Variants in CHFR observed in about 807,000 individuals in gnomAD.
CHFR encodes E3 ubiquitin-protein ligase CHFR.
A neutral mutation model predicts 87.6 loss-of-function variants in CHFR; 57 were observed. The observed-to-expected ratio is 0.65, with a 90% CI of 0.53 to 0.81. CHFR has a LOEUF of 0.81. Among genes scored for constraint, CHFR ranks in the 30% least tolerant of loss-of-function variants. The pLI is 0.00. For synonymous variants in CHFR, 381 were observed against 359.2 expected, an observed-to-expected ratio of 1.06 and a Z score of -0.69; for missense variants, 797 against 865.8, an observed-to-expected ratio of 0.92 and a Z score of 1.00.
chr12:132,873,470 G>GT (rs1566199650), intron 3 of CHFR, among the ~76,000 whole-genome samples: 1 of 152,198 alleles, frequency 6.6e-6, no homozygotes, highest in African/African-American at 2.4e-5. Flanking sequence ...TTATACACGG[G>GT]TTTTTTTCAA....
chr12:132,859,505 C>G (rs889974045), intron 7 of CHFR, among the ~76,000 whole-genome samples: 7 of 152,094 alleles, frequency 4.6e-5, no homozygotes, highest in Non-Finnish European at 5.9e-5. Flanking sequence ...TGCCCACCAC[C>G]ACGCCCGGCT....
At position 132,843,810 on chromosome 12, in the gene CHFR, G is replaced by A. The variant is rs1010224370; in HGVS notation, c.1843+217C>T. Among the ~76,000 whole-genome samples the A allele has an allele frequency of 5.3e-5, 8 of 152,128 alleles. No homozygotes were observed. In the East Asian group the frequency reaches 7.8e-4, roughly 15 times the overall value. On this transcript the variant is annotated intron_variant, in intron 16 of 17. Transcript: ENST00000450056. ...CTAAAACACAAAAAATTAGCCGGGC[G>A]TGGTGGCGGGTGCCTGTAATCCCAG...
At chr12:132,875,043 C>T (rs978077939) in intron 3 of CHFR, among the ~76,000 whole-genome samples, 11 of 152,064 alleles carry the variant, frequency 7.2e-5, no homozygotes, top group African/African-American at 2.7e-4. Context: ...CAGGAAAGCC[C>T]AGGACCAGCA....
chr12:132,865,788 T>G (rs1051840715), intron 6 of CHFR: 1 of 150,884 alleles, frequency 6.6e-6, no homozygotes, highest in South Asian at 2.1e-4. Flanking sequence ...GCCTTCCAAG[T>G]AGCTGGGATT....
At chr12:132,847,846 AT>A in intron 14 of CHFR, 1 of 1,366,224 alleles carries the variant, frequency 7.3e-7, no homozygotes, top group Non-Finnish European at 9.5e-7. Context: ...GCTCCTACGA[AT>A]TGGTGGCAGG....
At chr12:132,853,332 ACAGGAGGCGGG>A in intron 11 of CHFR, 88 bp downstream of exon 11, 2 of 1,281,048 alleles carry the variant, frequency 1.6e-6, no homozygotes, top group Non-Finnish European at 2.0e-6. Context: ...AGCAGTGCAG[ACAGGAGGCGGG>A]CAGAGCGCGG....
chr12:132,846,943 G>T lies in CHFR; in HGVS notation c.1735+100C>A, dbSNP rs1950843442. 5.0e-6 allele frequency: 4 copies of T among 806,834 alleles called. No individual in the cohort carries two copies. In the South Asian group the frequency reaches 5.7e-5, roughly 12 times the overall value. 50.0% of individuals were successfully genotyped at this position (806,834 alleles called of 1,614,324 possible). A position where few individuals can be genotyped will look rare whatever the true frequency, so the allele number is the denominator to read the frequency against. On this transcript the variant is annotated intron_variant, in intron 15 of 17. Transcript: ENST00000450056. ...TCAGGATCTTTTTCCTCTCTTCCAGGGTGGGTGAAGGTCGGAGTTGTCACT... is the reference window on the plus strand; with the variant it reads ...TCAGGATCTTTTTCCTCTCTTCCAGTGTGGGTGAAGGTCGGAGTTGTCACT...
chr12:132,871,413 T>C (rs779606885), intron 4 of CHFR, among the ~76,000 whole-genome samples: 26 of 151,370 alleles, frequency 1.7e-4, no homozygotes, highest in South Asian at 1.0e-3. Context: ...GATCACGCCA[T>C]TGCACTCCAG....
chr12:132,843,177 C>T (rs995734579), intron 16 of CHFR, 94 bp from the exon 17 acceptor site: 14 of 1,104,870 alleles, frequency 1.3e-5, no homozygotes, highest in African/African-American at 7.7e-5. Flanking sequence ...ACAGACGCTG[C>T]GGTGGAAACG....
At chr12:132,863,722 G>A (rs531565509) in intron 6 of CHFR, among the ~76,000 whole-genome samples, 16 of 152,134 alleles carry the variant, frequency 1.1e-4, no homozygotes, top group Admixed American at 7.9e-4. Flanking sequence ...CATAACGACA[G>A]GAATGACCTT....
At chr12:132,877,719 T>C in intron 2 of CHFR, 65 bp from the exon 3 acceptor site, 1 of 969,226 alleles carries the variant, frequency 1.0e-6, no homozygotes, top group South Asian at 1.6e-5. Context: ...TACTGCACTT[T>C]GTTTACCAAA....
At chr12:132,859,667 T>G (rs1951171507) in intron 7 of CHFR, among the ~76,000 whole-genome samples, 1 of 152,190 alleles carries the variant, frequency 6.6e-6, no homozygotes. Context: ...GGTGTTTTTA[T>G]TTTTCTATAA....
At chr12:132,861,919 C>T (rs890822119) in intron 6 of CHFR, 6 of 398,724 alleles carry the variant, frequency 1.5e-5, no homozygotes, top group South Asian at 6.4e-5. Context: ...CCGAGTCTAA[C>T]GCAGGGCAAA....
At chr12:132,874,014 CT>C (rs1951558006) in intron 3 of CHFR, among the ~76,000 whole-genome samples, 1 of 152,184 alleles carries the variant, frequency 6.6e-6, no homozygotes, top group Non-Finnish European at 1.5e-5. Context: ...CTGAGCACCC[CT>C]CCCCTCCAGC....
At chr12:132,869,897 GAA>G (rs1202771386) in intron 5 of CHFR, 99 bp from the exon 6 acceptor site, 2 of 1,379,394 alleles carry the variant, frequency 1.4e-6, no homozygotes, top group African/African-American at 2.9e-5. Flanking sequence ...TCTAGGGATT[GAA>G]ATGCTCTTAA....
chr12:132,861,723 G>T, intron 6 of CHFR, 89 bp from the exon 7 acceptor site: 4 of 1,232,908 alleles, frequency 3.2e-6, no homozygotes, highest in South Asian at 2.7e-5. Context: ...GGAGCCCAGT[G>T]CAGCTGGCAG....
chr12:132,859,896 T>A, intron 7 of CHFR, among the ~76,000 whole-genome samples: 1 of 151,694 alleles, frequency 6.6e-6, no homozygotes, highest in Non-Finnish European at 1.5e-5. Flanking sequence ...GGAAAAAAAA[T>A]TAGCCAGCTA....
chr12:132,843,191 G>A (rs574388717), intron 16 of CHFR, 108 bp from the exon 17 acceptor site: 18 of 940,144 alleles, frequency 1.9e-5, no homozygotes, highest in South Asian at 9.8e-5. Context: ...GGAAACGCAC[G>A]GCCTCTGGTC....
chr12:132,844,452 T>TGTTTATAC (rs543277570), intron 15 of CHFR, among the ~76,000 whole-genome samples: 57 of 109,140 alleles, frequency 5.2e-4, no homozygotes, highest in East Asian at 1.1e-3. Context: ...ACCGGGCTAA[T>TGTTTATAC]TTTTTGTATT....
Sources: gnomAD v4.1 joint callset for allele counts (sites outside exome capture counted in the v4.1 genomes callset) on GRCh38, gnomAD v4.1.1 for gene constraint, MANE v1.5 for transcripts, NCBI Gene and HGNC (gene_info 2026-07-23, HGNC 2026-07-21) for gene names.